Variants in STX18 observed in about 807,000 individuals in gnomAD.
STX18 encodes the protein syntaxin-18.
STX18 carries 40 observed loss-of-function variants against 50.1 expected under a neutral mutation model. The ratio of observed to expected loss-of-function variants is 0.80; its 90% CI spans 0.62 to 1.04. The LOEUF (loss-of-function observed/expected upper bound fraction) is 1.04. Ranked by LOEUF, STX18 falls within the 50% of genes least tolerant of loss-of-function variation. STX18 has a pLI of 0.00. For synonymous variants in STX18, 158 were observed against 151.8 expected (o/e 1.04, Z -0.30); for missense variants, 410 against 415.8 (o/e 0.99, Z 0.12).
chr4:4,423,166 C>G (rs994230440), intron 9 of STX18, among the ~76,000 whole-genome samples: 19 of 152,192 alleles, frequency 1.2e-4, no homozygotes, highest in African/African-American at 4.6e-4. Context: ...GGAGTCCCTC[C>G]CTCCTATAGA....
intron 1 of STX18, among the ~76,000 whole-genome samples, chr4:4,510,959 C>T (rs980032441): frequency 3.4e-5 from 5 of 147,454 alleles, no homozygotes; most frequent in African/African-American, 1.2e-4. Context: ...ACAAGGAGAA[C>T]ACATGGACAC....
chr4:4,511,638 T>C (rs1156600611), intron 1 of STX18, among the ~76,000 whole-genome samples: 3 of 151,754 alleles, frequency 2.0e-5, no homozygotes, highest in Admixed American at 2.0e-4. Flanking sequence ...ATTTGTATAC[T>C]AGGGCAGCTA....
At chr4:4,519,347 C>T (rs1730416285) in intron 1 of STX18, among the ~76,000 whole-genome samples, 1 of 152,138 alleles carries the variant, frequency 6.6e-6, no homozygotes, top group South Asian at 2.1e-4. Flanking sequence ...TTAACTTCAT[C>T]TGTAGCTCAA....
At chr4:4,459,271 G>A (rs895887043) in intron 3 of STX18, 101 bp downstream of exon 3, 28 of 822,030 alleles carry the variant, frequency 3.4e-5, no homozygotes, top group Admixed American at 6.6e-5. Context: ...AACCTAAATC[G>A]AAATAAGAAG....
intron 1 of STX18, among the ~76,000 whole-genome samples, chr4:4,526,704 GTACATGCATAA>G (rs2108914486): frequency 6.6e-6 from 1 of 152,216 alleles, no homozygotes; most frequent in Admixed American, 6.5e-5. Flanking sequence ...GCATGGTGGT[GTACATGCATAA>G]TCCCAGCTAC....
chr4:4,443,666 A>T (rs940783328), intron 5 of STX18, among the ~76,000 whole-genome samples: 1 of 152,236 alleles, frequency 6.6e-6, no homozygotes, highest in Non-Finnish European at 1.5e-5. Context: ...TGATTTTAGC[A>T]ATATGTAAAG....
intron 1 of STX18, among the ~76,000 whole-genome samples, chr4:4,525,854 T>G (rs889485479): frequency 1.3e-5 from 2 of 151,988 alleles, no homozygotes; most frequent in Non-Finnish European, 2.9e-5. Flanking sequence ...AGGCAGCAAA[T>G]GCTTTCAATT....
intron 1 of STX18, among the ~76,000 whole-genome samples, chr4:4,539,966 T>C (rs1207189723): frequency 6.6e-6 from 1 of 152,152 alleles, no homozygotes; most frequent in Non-Finnish European, 1.5e-5. Context: ...GTTTCAGAGT[T>C]AGAAGGGACC....
chr4:4,456,930 G>C (rs1727107935), intron 5 of STX18, among the ~76,000 whole-genome samples: 1 of 152,168 alleles, frequency 6.6e-6, no homozygotes, highest in Non-Finnish European at 1.5e-5. Flanking sequence ...AGGGTGAGTG[G>C]CCAAGCCTCC....
intron 1 of STX18, among the ~76,000 whole-genome samples, chr4:4,473,522 G>A (rs1268192874): frequency 6.6e-6 from 1 of 151,924 alleles, no homozygotes; most frequent in Non-Finnish European, 1.5e-5. Flanking sequence ...CCCGATCTCC[G>A]GACCTCGCGA....
intron 1 of STX18, among the ~76,000 whole-genome samples, chr4:4,536,359 C>T (rs1292937862): frequency 6.6e-6 from 1 of 152,204 alleles, no homozygotes; most frequent in Non-Finnish European, 1.5e-5. Context: ...ACACAAAGTT[C>T]TTCATTTTCA....
At chr4:4,478,823 T>C (rs918349127) in intron 1 of STX18, 4 of 152,474 alleles carry the variant, frequency 2.6e-5, no homozygotes, top group African/African-American at 9.7e-5. Flanking sequence ...CATGCTGCCC[T>C]GTCCTCTCCT....
chr4:4,526,212 T>C (rs1261154080), intron 1 of STX18, among the ~76,000 whole-genome samples: 1 of 152,204 alleles, frequency 6.6e-6, no homozygotes, highest in Non-Finnish European at 1.5e-5. Context: ...TCACCGTTAC[T>C]GTGTCAGCTC....
At chr4:4,532,578 T>C (rs965693878) in intron 1 of STX18, among the ~76,000 whole-genome samples, 55 of 152,304 alleles carry the variant, frequency 3.6e-4, no homozygotes, top group African/African-American at 1.3e-3. Flanking sequence ...GACTTTCAGA[T>C]AAAGAGTACT....
chr4:4,496,346 T>C (rs1273076969), intron 1 of STX18, among the ~76,000 whole-genome samples: 1 of 152,178 alleles, frequency 6.6e-6, no homozygotes, highest in Admixed American at 6.5e-5. Flanking sequence ...ATCCTGTGTC[T>C]TGGTTATGAG....
At chr4:4,511,018 G>T (rs1289441807) in intron 1 of STX18, among the ~76,000 whole-genome samples, 1 of 152,184 alleles carries the variant, frequency 6.6e-6, no homozygotes, top group African/African-American at 2.4e-5. Flanking sequence ...TGGAAGACAA[G>T]GGGGAGGGAG....
intron 1 of STX18, among the ~76,000 whole-genome samples, chr4:4,479,992 G>C (rs1375978377): frequency 6.6e-6 from 1 of 152,230 alleles, no homozygotes; most frequent in African/African-American, 2.4e-5. Flanking sequence ...ATATTACCTA[G>C]TGGGGAAAAA....
intron 1 of STX18, among the ~76,000 whole-genome samples, chr4:4,508,135 G>A (rs1020786337): frequency 2.0e-5 from 3 of 152,194 alleles, no homozygotes; most frequent in Admixed American, 6.5e-5. Context: ...CTAGTGCACA[G>A]GACACTGAAG....
At chr4:4,472,746 CACA>C (rs1727984916) in intron 1 of STX18, among the ~76,000 whole-genome samples, 1 of 152,168 alleles carries the variant, frequency 6.6e-6, no homozygotes, top group Non-Finnish European at 1.5e-5. Flanking sequence ...CAGTTGTAAG[CACA>C]ACAAGAAGCA....
Sources: allele counts gnomAD v4.1 joint callset (sites outside exome capture counted in the v4.1 genomes callset), GRCh38; gene constraint gnomAD v4.1.1; transcripts MANE v1.5; gene names NCBI Gene and HGNC (gene_info 2026-07-23, HGNC 2026-07-21).